The following CNTN1 variants were observed in gnomAD, a reference collection of about 807,000 sequenced individuals.
CNTN1 encodes the protein contactin 1, also known as contactin-1.
Under a neutral mutation model 126.4 loss-of-function variants are expected in CNTN1, and 38 were observed. The ratio of observed to expected loss-of-function variants is 0.30; its 90% CI spans 0.23 to 0.39. The LOEUF is 0.39. CNTN1 is among the 10% of genes least tolerant of loss of function. CNTN1 has a pLI of 1.00. For missense variants in CNTN1, 1,009 were observed against 1,248.4 expected (o/e 0.81, Z 2.89); for synonymous variants, 413 against 422.6 (o/e 0.98, Z 0.28).
chr12:40,983,022 A>G (rs1478121445), intron 16 of CNTN1, among the ~76,000 whole-genome samples: 1 of 152,068 alleles, frequency 6.6e-6, no homozygotes, highest in Non-Finnish European at 1.5e-5. Flanking sequence ...GTAAACCAAC[A>G]TGGCACATGT....
intron 1 of CNTN1, among the ~76,000 whole-genome samples, chr12:40,864,926 A>G (rs1380501792): frequency 1.3e-5 from 2 of 150,590 alleles, no homozygotes; most frequent in Admixed American, 6.7e-5. Flanking sequence ...ACTGTTTTCC[A>G]AAGTAACAGC....
Position 40,929,917 on chromosome 12 carries a change from A to C in CNTN1, c.618A>C (p.Lys206Asn). The part of the protein sequence containing the change: ...LYIANVEASD[K>N]GNYSCFVSSP... ...TTGCAAATGTTGAGGCTTCCGACAA[A>C]GGCAATTATTCCTGCTTTGTTTCCA... is the stretch of plus-strand genomic sequence containing the variant. The change falls in exon 7 of 24, where the codon AAA (lysine) becomes AAC (asparagine). Residue 206 changes from lysine to asparagine, a missense_variant. Physicochemically the swap from Lys to Asn is moderately conservative, Grantham distance 94. Transcript: ENST00000551295. 1 of 1,613,022 alleles carries C rather than the reference A, an allele frequency of 6.2e-7. No individual in the cohort carries two copies. Among genetic ancestry groups the C allele is most frequent in the Non-Finnish European group, 8.5e-7 (1 of 1,179,198 alleles).
intron 6 of CNTN1, among the ~76,000 whole-genome samples, chr12:40,925,133 T>C (rs919419343): frequency 1.3e-5 from 2 of 151,772 alleles, no homozygotes; most frequent in African/African-American, 2.4e-5. Context: ...TCATCTACTT[T>C]ATAAATGGGG....
chr12:40,844,037 ATATTTTAT>A (rs899710937), intron 1 of CNTN1, among the ~76,000 whole-genome samples: 4 of 137,506 alleles, frequency 2.9e-5, no homozygotes, highest in African/African-American at 1.1e-4. Flanking sequence ...AATAAATGCC[ATATTTTAT>A]TGAAAAAATT....
intron 3 of CNTN1, among the ~76,000 whole-genome samples, chr12:40,917,188 T>C (rs1945276876): frequency 6.6e-6 from 1 of 152,030 alleles, no homozygotes. Context: ...ACTTGGCTTT[T>C]GGTTTTTAGA....
intron 20 of CNTN1, among the ~76,000 whole-genome samples, chr12:41,020,947 A>C (rs1451834395): frequency 1.3e-5 from 2 of 152,214 alleles, no homozygotes; most frequent in Non-Finnish European, 2.9e-5. Flanking sequence ...CTTAATTTTA[A>C]AGAACCAGTA....
intron 1 of CNTN1, among the ~76,000 whole-genome samples, chr12:40,890,924 T>A (rs772696954): frequency 2.6e-5 from 4 of 152,186 alleles, no homozygotes; most frequent in Non-Finnish European, 4.4e-5. Context: ...ACTGCCAAAC[T>A]GTCTTCCCAA....
At chr12:40,826,114 C>G (rs1941606930) in intron 1 of CNTN1, among the ~76,000 whole-genome samples, 1 of 152,074 alleles carries the variant, frequency 6.6e-6, no homozygotes, top group Non-Finnish European at 1.5e-5. Flanking sequence ...ATTTCTAATT[C>G]TTACATTTGT....
chr12:40,835,978 G>A (rs1942034035), intron 1 of CNTN1, among the ~76,000 whole-genome samples: 1 of 86,610 alleles, frequency 1.2e-5, no homozygotes, highest in African/African-American at 4.1e-5. Flanking sequence ...GGATGAACAG[G>A]TATATATATG....
At chr12:40,937,925 CT>C (rs1946135307) in intron 11 of CNTN1, among the ~76,000 whole-genome samples, 1 of 152,108 alleles carries the variant, frequency 6.6e-6, no homozygotes, top group Non-Finnish European at 1.5e-5. Context: ...GTGGCCATAC[CT>C]AGGAGCACAT....
chr12:40,693,834 A>G (rs935821859), intron 1 of CNTN1, among the ~76,000 whole-genome samples: 3 of 152,214 alleles, frequency 2.0e-5, no homozygotes, highest in Non-Finnish European at 4.4e-5. Context: ...GAGAAGAAGC[A>G]TTCAGACTGC....
chr12:40,739,211 C>G (rs1046683420), intron 1 of CNTN1, among the ~76,000 whole-genome samples: 1 of 152,002 alleles, frequency 6.6e-6, no homozygotes, highest in Non-Finnish European at 1.5e-5. Context: ...TAATTTTAAT[C>G]TTGTTTGTAG....
rs552020647 is a variant in CNTN1, at chr12:41,013,537, A to C, written c.2114-691A>C. 2.0e-5 allele frequency among the ~76,000 whole-genome samples: 3 copies of C among 152,266 alleles called. No individual in the cohort carries two copies. In the South Asian group the frequency reaches 6.2e-4, roughly 32 times the overall value. ...AAGTGATTATGGAGTGAAGTACAAA[A>C]AAAAAAATAGCCATATATCAGTTCT... On this transcript the variant is annotated intron_variant, in intron 17 of 23. Transcript: ENST00000551295.
chr12:41,006,684 T>A (rs1948501033), intron 17 of CNTN1, among the ~76,000 whole-genome samples: 1 of 152,246 alleles, frequency 6.6e-6, no homozygotes, highest in Non-Finnish European at 1.5e-5. Flanking sequence ...CTTTCAGCAC[T>A]CTAAGGAAGA....
intron 1 of CNTN1, among the ~76,000 whole-genome samples, chr12:40,769,151 T>C (rs1939237626): frequency 6.6e-6 from 1 of 152,144 alleles, no homozygotes; most frequent in South Asian, 2.1e-4. Context: ...AATTATAAAG[T>C]ATTCATTATT....
intron 17 of CNTN1, among the ~76,000 whole-genome samples, chr12:41,006,310 C>T (rs970873696): frequency 4.6e-5 from 7 of 152,178 alleles, no homozygotes; most frequent in Admixed American, 4.6e-4. Context: ...TAAGGTGTAG[C>T]AGCTGTAGCA....
At chr12:41,048,937 A>G (rs143726762) in intron 23 of CNTN1, among the ~76,000 whole-genome samples, 55 of 152,306 alleles carry the variant, frequency 3.6e-4, no homozygotes, top group Non-Finnish European at 6.6e-4. Flanking sequence ...ATTTGTTCCA[A>G]TCAGATTTTC....
chr12:40,865,191 A>T (rs1387005832), intron 1 of CNTN1, among the ~76,000 whole-genome samples: 2 of 151,848 alleles, frequency 1.3e-5, no homozygotes, highest in Non-Finnish European at 2.9e-5. Context: ...TCTAATTGGG[A>T]TTTTTGTCTT....
chr12:40,797,615 A>C (rs546380423), intron 1 of CNTN1, among the ~76,000 whole-genome samples: 1 of 152,056 alleles, frequency 6.6e-6, no homozygotes, highest in Non-Finnish European at 1.5e-5. Context: ...TAAGCTAGTA[A>C]ATAATGATGA....
Sources: allele counts gnomAD v4.1 joint callset (sites outside exome capture counted in the v4.1 genomes callset), GRCh38; gene constraint gnomAD v4.1.1; transcripts MANE v1.5; gene names NCBI Gene and HGNC (gene_info 2026-07-23, HGNC 2026-07-21).